Variants in DNAH14 observed in about 807,000 individuals in gnomAD.
DNAH14 encodes dynein axonemal heavy chain 14.
A neutral mutation model predicts 520.9 loss-of-function variants in DNAH14; 478 were observed. The ratio of observed to expected loss-of-function variants is 0.92; its 90% CI spans 0.85 to 0.99. The LOEUF is 0.99. DNAH14 is among the 50% of genes least tolerant of loss of function. The probability of loss-of-function intolerance (pLI) is 0.00; values close to 1 mark genes in which losing one functional copy is unlikely to be tolerated. For missense variants in DNAH14, 4,831 were observed against 5,234.5 expected (o/e 0.92, Z 2.38); for synonymous variants, 1,581 against 1,757.2 (o/e 0.90, Z 2.51).
intron 23 of DNAH14, among the ~76,000 whole-genome samples, chr1:225,116,862 G>A (rs1405708379): frequency 1.3e-5 from 2 of 152,178 alleles, no homozygotes; most frequent in Non-Finnish European, 2.9e-5. Flanking sequence ...AGTAAATTTG[G>A]TAATAGTCAG....
chr1:225,107,039 G>A (rs970494268), intron 23 of DNAH14, among the ~76,000 whole-genome samples: 52 of 152,110 alleles, frequency 3.4e-4, no homozygotes, highest in Admixed American at 9.2e-4. Context: ...TGGTGGTGAC[G>A]TACAGATGGG....
intron 57 of DNAH14, among the ~76,000 whole-genome samples, chr1:225,304,620 C>G (rs2094204685): frequency 6.6e-6 from 1 of 152,016 alleles, no homozygotes; most frequent in Admixed American, 6.6e-5. Flanking sequence ...GCCATTGATA[C>G]TGATGCCCAA....
intron 75 of DNAH14, among the ~76,000 whole-genome samples, chr1:225,362,432 G>A (rs549647727): frequency 3.3e-4 from 50 of 152,066 alleles, no homozygotes; most frequent in Admixed American, 1.0e-3. Context: ...AAAATTAGCC[G>A]GGCGTGGTGG....
At chr1:225,002,752 G>A in intron 8 of DNAH14, 31 bp from the exon 9 acceptor site, 1 of 1,537,070 alleles carries the variant, frequency 6.5e-7, no homozygotes, top group Non-Finnish European at 8.8e-7. Context: ...TTGAATGAGA[G>A]ATATATCTGT....
At chr1:225,168,402 C>G (rs1040012873) in intron 36 of DNAH14, among the ~76,000 whole-genome samples, 11 of 152,170 alleles carry the variant, frequency 7.2e-5, no homozygotes, top group African/African-American at 2.4e-4. Context: ...CTTTCCTAGC[C>G]AAGGAAAGGG....
In DNAH14 at chr1:224,982,668, A is replaced by C. The variant is rs188366726; in HGVS notation, c.830+8515A>C. ...TTATTATCGTCATTCAGTTTGAAGA[A>C]TTTTTAAATTTTCATCTTGATTTCA... On this transcript the variant is annotated intron_variant, in intron 8 of 85. Coordinates refer to ENST00000682510, the MANE Select transcript of DNAH14 (RefSeq NM_001367479.1). Among the ~76,000 whole-genome samples, 165 of 152,296 alleles carry C rather than the reference A, an allele frequency of 1.1e-3. 3 individuals carry two copies. Among genetic ancestry groups the C allele is most frequent in the Middle Eastern group, 3.4e-3 (1 of 294 alleles).
At chr1:225,085,274 G>A (rs2073627704) in intron 20 of DNAH14, among the ~76,000 whole-genome samples, 1 of 152,108 alleles carries the variant, frequency 6.6e-6, no homozygotes, top group South Asian at 2.1e-4. Flanking sequence ...TATACAGAAG[G>A]TGTATACTCT....
chr1:225,329,549 T>C (rs1171358187), intron 64 of DNAH14, among the ~76,000 whole-genome samples: 1 of 152,050 alleles, frequency 6.6e-6, no homozygotes, highest in African/African-American at 2.4e-5. Flanking sequence ...TTTAAGAAAA[T>C]TATTTTGGGG....
chr1:225,254,188 A>G (rs966521327), intron 44 of DNAH14, among the ~76,000 whole-genome samples: 2 of 152,110 alleles, frequency 1.3e-5, no homozygotes, highest in East Asian at 1.9e-4. Context: ...CTGGATTCCT[A>G]ACACTGTGGA....
chr1:225,285,607 A>G (rs1293425445), intron 54 of DNAH14, among the ~76,000 whole-genome samples: 1 of 152,088 alleles, frequency 6.6e-6, no homozygotes, highest in East Asian at 1.9e-4. Flanking sequence ...CTATAATCCC[A>G]GCACTTTGGG....
chr1:225,187,238 T>A (rs1265861505), intron 37 of DNAH14, among the ~76,000 whole-genome samples: 1 of 151,802 alleles, frequency 6.6e-6, no homozygotes, highest in Non-Finnish European at 1.5e-5. Flanking sequence ...GTTATGCAAT[T>A]ACTACCTCCC....
intron 27 of DNAH14, among the ~76,000 whole-genome samples, chr1:225,134,077 T>C (rs760207216): frequency 3.9e-5 from 6 of 152,176 alleles, no homozygotes; most frequent in Non-Finnish European, 8.8e-5. Context: ...ATTGATTTTA[T>C]ATCCTGAGAC....
At chr1:224,995,379 C>T (rs1171433145) in intron 8 of DNAH14, among the ~76,000 whole-genome samples, 1 of 151,836 alleles carries the variant, frequency 6.6e-6, no homozygotes, top group Non-Finnish European at 1.5e-5. Context: ...TCCCATTCTT[C>T]CCTGGCCTAC....
chr1:225,280,291 A>G (rs1241455300), intron 54 of DNAH14, among the ~76,000 whole-genome samples: 1 of 152,192 alleles, frequency 6.6e-6, no homozygotes, highest in Non-Finnish European at 1.5e-5. Flanking sequence ...CAATACATTA[A>G]TCTTCACATC....
intron 8 of DNAH14, among the ~76,000 whole-genome samples, chr1:224,995,442 T>C (rs1420637907): frequency 6.6e-6 from 1 of 152,092 alleles, no homozygotes; most frequent in Non-Finnish European, 1.5e-5. Flanking sequence ...TTTTTTTGTA[T>C]ATGATCTGTT....
rs866041116 is a variant in DNAH14 at position 225,118,083 on chromosome 1, A to G, written c.4091+84A>G. The G allele has an allele frequency of 3.7e-5, 38 of 1,029,672 alleles. No homozygotes were observed. In the Middle Eastern group the frequency reaches 3.6e-3, roughly 98 times the overall value. 63.8% of individuals were successfully genotyped at this position (1,029,672 alleles called of 1,614,324 possible). ...GCTTTGAAATTTTTGATATATTATA[A>G]AAGTGCGCTAAGCAAACTGTTTCTT... On this transcript the variant is annotated intron_variant, in intron 25 of 85. Transcript: ENST00000682510.
intron 10 of DNAH14, among the ~76,000 whole-genome samples, chr1:225,008,458 T>G (rs1381350649): frequency 1.3e-5 from 2 of 152,110 alleles, no homozygotes; most frequent in Non-Finnish European, 2.9e-5. Flanking sequence ...GATTGTTGAG[T>G]CAAATGGTAT....
intron 41 of DNAH14, among the ~76,000 whole-genome samples, chr1:225,220,235 T>C (rs1189595751): frequency 6.6e-6 from 1 of 152,164 alleles, no homozygotes; most frequent in East Asian, 1.9e-4. Flanking sequence ...GCATTCCCCT[T>C]GAAAACTGGC....
chr1:225,335,159 A>G (rs1003420667), intron 66 of DNAH14, among the ~76,000 whole-genome samples: 1 of 148,194 alleles, frequency 6.7e-6, no homozygotes, highest in Non-Finnish European at 1.5e-5. Flanking sequence ...ACATGTGTGC[A>G]TGTGTGCATG....
Sources: allele counts gnomAD v4.1 joint callset (sites outside exome capture counted in the v4.1 genomes callset), GRCh38; gene constraint gnomAD v4.1.1; transcripts MANE v1.5; gene names NCBI Gene and HGNC (gene_info 2026-07-23, HGNC 2026-07-21).